The following CTNNA2 variants were observed in gnomAD, a reference collection of about 807,000 sequenced individuals.
The protein encoded by CTNNA2 is catenin alpha 2.
CTNNA2 carries 42 observed loss-of-function variants against 101.0 expected under a neutral mutation model. That is an observed-to-expected ratio of 0.42 (90% CI 0.32 to 0.54). The LOEUF is 0.54. Ranked by LOEUF, CTNNA2 falls within the 20% of genes least tolerant of loss-of-function variation. The pLI is 0.14. For synonymous variants in CTNNA2, 450 were observed against 456.4 expected (o/e 0.99, Z 0.18); for missense variants, 871 against 1,223.1 (o/e 0.71, Z 4.29).
At chr2:80,530,402 G>A (rs1690439434) in intron 9 of CTNNA2, among the ~76,000 whole-genome samples, 1 of 152,234 alleles carries the variant, frequency 6.6e-6, no homozygotes, top group African/African-American at 2.4e-5. Context: ...GGAGAGACTT[G>A]TGAGAGCACT....
chr2:80,577,161 A>G (rs76136090), intron 13 of CTNNA2, among the ~76,000 whole-genome samples: 4,110 of 152,298 alleles, frequency 0.027, 82 homozygotes, highest in Non-Finnish European at 0.042. Context: ...GTTGCCCTGA[A>G]TACAGGATGA....
intron 7 of CTNNA2, among the ~76,000 whole-genome samples, chr2:80,276,354 G>T (rs114462772): frequency 3.3e-5 from 5 of 152,096 alleles, no homozygotes; most frequent in African/African-American, 1.2e-4. Flanking sequence ...ATTTCTGCCC[G>T]GCTGGATACA....
At chr2:79,389,709 A>G (rs1678145572) in intron 4 of CTNNA2, among the ~76,000 whole-genome samples, 1 of 152,200 alleles carries the variant, frequency 6.6e-6, no homozygotes, top group Admixed American at 6.6e-5. Context: ...GGATTTTTAA[A>G]CAAACATCAA....
At chr2:79,632,690 A>G (rs1329993246) in intron 1 of CTNNA2, among the ~76,000 whole-genome samples, 3 of 152,334 alleles carry the variant, frequency 2.0e-5, no homozygotes, top group East Asian at 3.9e-4. Flanking sequence ...GGACTTTAAC[A>G]TTGCACTCCA....
At chr2:79,792,305 CT>C (rs1675337074) in intron 3 of CTNNA2, among the ~76,000 whole-genome samples, 1 of 152,130 alleles carries the variant, frequency 6.6e-6, no homozygotes, top group African/African-American at 2.4e-5. Context: ...AAGATAATGT[CT>C]CCCTCTGGAG....
At chr2:80,126,486 G>A (rs998471037) in intron 7 of CTNNA2, among the ~76,000 whole-genome samples, 6 of 149,870 alleles carry the variant, frequency 4.0e-5, no homozygotes, top group African/African-American at 1.5e-4. Flanking sequence ...TCTCTGTCTT[G>A]ATCCCTCTCC....
intron 2 of CTNNA2, among the ~76,000 whole-genome samples, chr2:79,714,321 TA>T (rs1018761032): frequency 6.2e-4 from 91 of 145,754 alleles, no homozygotes; most frequent in Middle Eastern, 3.6e-3. Flanking sequence ...ACCACAACTT[TA>T]AAAAAAAAAA....
chr2:79,707,026 A>G (rs79938478), intron 2 of CTNNA2, among the ~76,000 whole-genome samples: 12,794 of 152,228 alleles, frequency 0.084, 567 homozygotes, highest in African/African-American at 0.12. Flanking sequence ...CCTACTTTGT[A>G]TGTTATAAAA....
intron 15 of CTNNA2, among the ~76,000 whole-genome samples, chr2:80,599,491 G>C (rs752811912): frequency 3.3e-5 from 5 of 152,120 alleles, no homozygotes; most frequent in Non-Finnish European, 7.4e-5. Flanking sequence ...CACACAATCT[G>C]TTATGTAAGC....
chr2:79,568,824 C>T (rs1449945186), intron 1 of CTNNA2, among the ~76,000 whole-genome samples: 1 of 137,626 alleles, frequency 7.3e-6, no homozygotes, highest in African/African-American at 2.8e-5. Context: ...GAGTTCGAGA[C>T]CAGCCTGGGC....
At chr2:79,863,309 G>C (rs1681771108) in intron 4 of CTNNA2, among the ~76,000 whole-genome samples, 1 of 152,222 alleles carries the variant, frequency 6.6e-6, no homozygotes, top group African/African-American at 2.4e-5. Context: ...AATGGGATCA[G>C]TTTAACCATA....
chr2:80,316,343 A>T (rs895078114), intron 7 of CTNNA2, among the ~76,000 whole-genome samples: 15 of 152,194 alleles, frequency 9.9e-5, no homozygotes, highest in Non-Finnish European at 1.9e-4. Flanking sequence ...AGCAATTTTT[A>T]AAGAAGTAGA....
At chr2:80,277,485 AAC>A (rs1252262857) in intron 7 of CTNNA2, among the ~76,000 whole-genome samples, 1 of 145,462 alleles carries the variant, frequency 6.9e-6, no homozygotes, top group Non-Finnish European at 1.5e-5. Context: ...AGAGAGAATG[AAC>A]ATTGTCAGTA....
intron 2 of CTNNA2, among the ~76,000 whole-genome samples, chr2:79,702,394 A>G (rs1450471033): frequency 2.0e-5 from 3 of 152,186 alleles, no homozygotes; most frequent in Non-Finnish European, 1.5e-5. Context: ...AGCAGAGCTA[A>G]GTAGTTGCAA....
chr2:80,146,364 G>C (rs918290660), intron 7 of CTNNA2, among the ~76,000 whole-genome samples: 24 of 152,062 alleles, frequency 1.6e-4, no homozygotes, highest in Non-Finnish European at 1.2e-4. Flanking sequence ...CGATTCAATA[G>C]ACAACAAAGA....
At chr2:80,619,039 T>TTTTCTC in intron 17 of CTNNA2, 46 bp from the exon 18 acceptor site, 3 of 1,294,388 alleles carry the variant, frequency 2.3e-6, no homozygotes, top group Admixed American at 3.2e-5. Context: ...TTTTTTTCTT[T>TTTTCTC]TGCTCTCTCT....
At chr2:79,839,584 G>T (rs930481435) in intron 3 of CTNNA2, among the ~76,000 whole-genome samples, 1 of 151,664 alleles carries the variant, frequency 6.6e-6, no homozygotes, top group African/African-American at 2.4e-5. Flanking sequence ...CTTAACATAC[G>T]TATTTTTTCT....
intron 1 of CTNNA2, chr2:79,548,109 G>C (rs1438228088): frequency 6.6e-6 from 1 of 152,168 alleles, no homozygotes; most frequent in Non-Finnish European, 1.5e-5. Flanking sequence ...TGAATCAGGT[G>C]AATGTTTTAA....
Position 80,505,332 on chromosome 2 carries a change from C to T in CTNNA2, c.1291-39650C>T, listed in dbSNP as rs551475601. 1.2e-4 allele frequency among the ~76,000 whole-genome samples: 18 copies of T among 152,334 alleles called. 1 individual carries two copies. In the South Asian group the frequency reaches 3.5e-3, roughly 30 times the overall value. ...TCTCTTGGTTTGCCTAAAGGCATTTCTCTTCTCACATCAGGGGAGCAAGTA... is the reference window on the plus strand; with the variant it reads ...TCTCTTGGTTTGCCTAAAGGCATTTTTCTTCTCACATCAGGGGAGCAAGTA... On this transcript the variant is annotated intron_variant, in intron 9 of 18. Coordinates refer to ENST00000402739, the MANE Select transcript of CTNNA2 (RefSeq NM_001282597.3).
Sources: allele counts gnomAD v4.1 joint callset (sites outside exome capture counted in the v4.1 genomes callset), GRCh38; gene constraint gnomAD v4.1.1; transcripts MANE v1.5; gene names NCBI Gene and HGNC (gene_info 2026-07-23, HGNC 2026-07-21).